The following DACH2 variants were observed in gnomAD, a reference collection of about 807,000 sequenced individuals.
DACH2 encodes dachshund homolog 2.
DACH2 carries 17 observed loss-of-function variants against 35.8 expected under a neutral mutation model. The observed-to-expected ratio is 0.48, with a 90% CI of 0.33 to 0.71. The LOEUF (loss-of-function observed/expected upper bound fraction) is 0.71, where lower values mean the gene tolerates loss of function less well. Ranked by LOEUF, DACH2 falls within the 30% of genes least tolerant of loss-of-function variation. DACH2 has a pLI of 0.02. For missense variants in DACH2, 469 were observed against 472.7 expected (o/e 0.99, Z 0.07); for synonymous variants, 195 against 177.3 (o/e 1.10, Z -0.79).
chrX:86,359,969 A>G (rs2035711929), intron 1 of DACH2, among the ~76,000 whole-genome samples: 1 of 107,979 alleles, frequency 9.3e-6, no homozygotes, highest in South Asian at 4.1e-4. Context: ...TGCAGCCTTG[A>G]CCTCCTGGGC....
At chrX:86,236,764 G>A (rs2033064390) in intron 1 of DACH2, among the ~76,000 whole-genome samples, 1 of 112,110 alleles carries the variant, frequency 8.9e-6, no homozygotes, top group African/African-American at 3.2e-5. Context: ...AGGTCACACT[G>A]GGTAAGTTGG....
chrX:86,216,676 C>G (rs1412432474), intron 1 of DACH2, among the ~76,000 whole-genome samples: 1 of 111,751 alleles, frequency 8.9e-6, no homozygotes, highest in Non-Finnish European at 1.9e-5. Context: ...ATGAGAGTTA[C>G]TAGTTGAATG....
chrX:86,321,285 A>G (rs1016519130), intron 1 of DACH2, among the ~76,000 whole-genome samples: 2 of 111,751 alleles, frequency 1.8e-5, no homozygotes, highest in African/African-American at 6.5e-5. Flanking sequence ...AGTGAGAAAA[A>G]CTAGAAAGAA....
intron 3 of DACH2, among the ~76,000 whole-genome samples, chrX:86,556,976 C>T (rs1399982614): frequency 9.4e-6 from 1 of 106,498 alleles, no homozygotes; most frequent in Non-Finnish European, 1.9e-5. Flanking sequence ...GAGCCTATGG[C>T]ATAACTCTAA....
intron 1 of DACH2, among the ~76,000 whole-genome samples, chrX:86,182,879 G>T (rs995241008): frequency 1.8e-5 from 2 of 111,549 alleles, no homozygotes; most frequent in African/African-American, 6.5e-5. Context: ...TCTCCTAGAA[G>T]AGGTCGTCTG....
chrX:86,238,194 A>G (rs2033094309), intron 1 of DACH2, among the ~76,000 whole-genome samples: 1 of 112,419 alleles, frequency 8.9e-6, no homozygotes, highest in Admixed American at 9.4e-5. Flanking sequence ...CATTTTGTGT[A>G]TCTTTTAGAT....
chrX:86,221,405 T>C (rs779230702), intron 1 of DACH2, among the ~76,000 whole-genome samples: 1 of 111,849 alleles, frequency 8.9e-6, no homozygotes, highest in African/African-American at 3.2e-5. Context: ...CTCTATTCTG[T>C]TTTATTTGTC....
At chrX:86,827,991 A>T in intron 11 of DACH2, 1 of 392,423 alleles carries the variant, frequency 2.5e-6, no homozygotes, top group Non-Finnish European at 4.4e-6. Flanking sequence ...TAGTCATAAT[A>T]ATGACTGAAC....
chrX:86,229,454 T>A (rs1049809560), intron 1 of DACH2, among the ~76,000 whole-genome samples: 28 of 111,935 alleles, frequency 2.5e-4, no homozygotes, highest in Admixed American at 3.8e-4. Context: ...ATCCAAGTTC[T>A]TTTTTGGTTC....
intron 6 of DACH2, 42 bp from the exon 7 acceptor site, chrX:86,739,705 G>A: frequency 1.7e-6 from 2 of 1,161,745 alleles, no homozygotes; most frequent in Non-Finnish European, 1.1e-6. Context: ...TAAAAACTTG[G>A]CGCATAGATG....
chrX:86,802,834 G>A (rs1321548387), intron 7 of DACH2, among the ~76,000 whole-genome samples: 1 of 111,364 alleles, frequency 9.0e-6, no homozygotes, highest in Non-Finnish European at 1.9e-5. Context: ...CTAATTTATG[G>A]AAATGGGTGC....
chrX:86,466,830 C>T (rs898798811), intron 2 of DACH2, among the ~76,000 whole-genome samples: 1 of 111,228 alleles, frequency 9.0e-6, no homozygotes, highest in Non-Finnish European at 1.9e-5. Flanking sequence ...TCTGAAGCCA[C>T]GTCCCCAGCT....
At chrX:86,610,523 A>T (rs899206834) in intron 3 of DACH2, among the ~76,000 whole-genome samples, 2 of 107,267 alleles carry the variant, frequency 1.9e-5, no homozygotes, top group East Asian at 5.9e-4. Context: ...TGCAACCTCC[A>T]CCTGCCAGGC....
chrX:86,547,597 A>G (rs1294501762), intron 3 of DACH2, among the ~76,000 whole-genome samples: 1 of 110,274 alleles, frequency 9.1e-6, no homozygotes, highest in Non-Finnish European at 1.9e-5. Context: ...AACACATTAT[A>G]GAAATGATTC....
At chrX:86,280,074 C>A (rs1349716740) in intron 1 of DACH2, among the ~76,000 whole-genome samples, 1 of 110,841 alleles carries the variant, frequency 9.0e-6, no homozygotes, top group East Asian at 2.9e-4. Context: ...AAAGATAGGC[C>A]AACATTCAAG....
intron 5 of DACH2, among the ~76,000 whole-genome samples, chrX:86,700,004 T>A (rs1213601462): frequency 1.8e-5 from 2 of 112,056 alleles, no homozygotes; most frequent in Admixed American, 1.9e-4. Context: ...CATGTAATTA[T>A]ATGATTGAAT....
intron 2 of DACH2, among the ~76,000 whole-genome samples, chrX:86,397,585 G>A (rs2036323778): frequency 9.0e-6 from 1 of 111,717 alleles, no homozygotes; most frequent in Non-Finnish European, 1.9e-5. Context: ...AATTTACTGA[G>A]AGTGTTTAGC....
chrX:86,470,677 T>C (rs1239187958), intron 2 of DACH2, among the ~76,000 whole-genome samples: 1 of 110,794 alleles, frequency 9.0e-6, no homozygotes, highest in Non-Finnish European at 1.9e-5. Context: ...AAATTACCTA[T>C]TGGGTATAAT....
chrX:86,597,256 T>C (rs116311815), intron 3 of DACH2, among the ~76,000 whole-genome samples: 6,496 of 111,792 alleles, frequency 0.058, 437 homozygotes, highest in African/African-American at 0.2. Context: ...GTTTTCCAAA[T>C]CATGAACACA....
Sources: allele counts gnomAD v4.1 joint callset (sites outside exome capture counted in the v4.1 genomes callset), GRCh38; gene constraint gnomAD v4.1.1; transcripts MANE v1.5; gene names NCBI Gene and HGNC (gene_info 2026-07-23, HGNC 2026-07-21).